The following HOGA1 variants were observed in gnomAD, a reference collection of about 807,000 sequenced individuals.
HOGA1 encodes 4-hydroxy-2-oxoglutarate aldolase 1, also known as 4-hydroxy-2-oxoglutarate aldolase, mitochondrial.
HOGA1 carries 30 observed loss-of-function variants against 34.3 expected under a neutral mutation model. The ratio of observed to expected loss-of-function variants is 0.87; its 90% CI spans 0.65 to 1.19. HOGA1 has a LOEUF of 1.19. Among genes scored for constraint, HOGA1 ranks in the 50% most tolerant of loss-of-function variants. The probability of loss-of-function intolerance (pLI) is 0.00; values close to 1 mark genes in which losing one functional copy is unlikely to be tolerated. For synonymous variants in HOGA1, 161 were observed against 174.0 expected (o/e 0.93, Z 0.59); for missense variants, 417 against 436.5 (o/e 0.96, Z 0.40).
chr10:97,610,838 A>C (rs949457263), intron 6 of HOGA1, among the ~76,000 whole-genome samples: 1 of 152,152 alleles, frequency 6.6e-6, no homozygotes, highest in African/African-American at 2.4e-5. Flanking sequence ...AAATTATAAC[A>C]ATAGCTTTAG....
At chr10:97,586,980 G>A (rs1174188051) in intron 1 of HOGA1, among the ~76,000 whole-genome samples, 1 of 152,196 alleles carries the variant, frequency 6.6e-6, no homozygotes, top group Non-Finnish European at 1.5e-5. Context: ...AGACCTTGGG[G>A]AAACCACTTA....
chr10:97,602,627 C>A, intron 6 of HOGA1: 2 of 947,564 alleles, frequency 2.1e-6, no homozygotes, highest in Non-Finnish European at 2.5e-6. Context: ...TTCCTTTGTT[C>A]CTTCCTTCCT....
intron 6 of HOGA1, among the ~76,000 whole-genome samples, chr10:97,605,616 G>T (rs2041151442): frequency 6.6e-6 from 1 of 152,170 alleles, no homozygotes; most frequent in Non-Finnish European, 1.5e-5. Context: ...TCTGATAGAT[G>T]TATAGTACAG....
chr10:97,592,399 C>A (rs892038657), intron 1 of HOGA1, among the ~76,000 whole-genome samples: 1 of 151,844 alleles, frequency 6.6e-6, no homozygotes, highest in South Asian at 2.1e-4. Context: ...CGCCACCACG[C>A]CTGGCTAATT....
In HOGA1 at chr10:97,600,239, C is replaced by T. The variant is rs534699077; in HGVS notation, c.700+76C>T. 1,175 of 1,252,170 alleles carry T rather than the reference C, an allele frequency of 9.4e-4. 1 individual carries two copies. The highest frequency in any genetic ancestry group is 6.3e-3 in the African/African-American group (428 of 67,914). The allele number at this position is 1,252,170 out of a possible 1,614,324, so 77.6% of individuals were successfully genotyped here. On this transcript the variant is annotated intron_variant, in intron 5 of 6. Coordinates refer to ENST00000370646, the MANE Select transcript of HOGA1 (RefSeq NM_138413.4). The stretch of plus-strand genomic sequence containing the variant: ...GGTACCTGGGTCTTCCGGGAGAGAT[C>T]GTGAGGGCTGGGGCTGGGTCTGCAG...
intron 6 of HOGA1, among the ~76,000 whole-genome samples, chr10:97,610,193 C>T (rs890952658): frequency 3.9e-5 from 6 of 152,314 alleles, no homozygotes; most frequent in South Asian, 2.1e-4. Flanking sequence ...ATAGGCCAGG[C>T]GCCGTGGCTC....
chr10:97,584,912 G>C lies in HOGA1; in HGVS notation c.209G>C (p.Arg70Pro), dbSNP rs267606763. 3.1e-6 allele frequency: 5 copies of C among 1,613,702 alleles called. No individual in the cohort carries two copies. Among genetic ancestry groups the C allele is most frequent in the Non-Finnish European group, 3.4e-6 (4 of 1,179,824 alleles). The change falls in exon 1 of 7, where the codon CGA becomes CCA. Residue 70 changes from arginine to proline, a missense_variant and splice_region_variant. Transcript: ENST00000370646. ...CACAAACTGGGCACCTTCCCCTTCC[G>C]AGGTAAGTGGGGCTGTCCTCTGTGG... The part of the protein sequence containing the change: ...NLHKLGTFPF[R>P]GFVVQGSNGE...
rs2041161023 is a variant in HOGA1 at position 97,606,750 on chromosome 10, A to G, written c.834+4760A>G. Reference sequence around the variant, plus strand: ...TCTAATTTCTTTAACTTTCCATATAAATTTTACAAGAATCTTGTTTATATC... The same window carrying G: ...TCTAATTTCTTTAACTTTCCATATAGATTTTACAAGAATCTTGTTTATATC... On this transcript the variant is annotated intron_variant, in intron 6 of 6. Transcript: ENST00000370646. 2.0e-5 allele frequency among the ~76,000 whole-genome samples: 3 copies of G among 152,058 alleles called. No homozygotes were observed. In the South Asian group the frequency reaches 6.2e-4, roughly 32 times the overall value.
At chr10:97,599,057 G>T (rs1232824176) in intron 2 of HOGA1, 32 bp from the exon 3 acceptor site, 3 of 1,610,444 alleles carry the variant, frequency 1.9e-6, no homozygotes, top group Non-Finnish European at 2.5e-6. Flanking sequence ...GCCTCCTTCT[G>T]CCTGCTCTCA....
chr10:97,588,047 A>T (rs1263153161), intron 1 of HOGA1, among the ~76,000 whole-genome samples: 1 of 149,566 alleles, frequency 6.7e-6, no homozygotes, highest in Non-Finnish European at 1.5e-5. Context: ...CCTGAGCTCA[A>T]GTGATCTGCC....
At chr10:97,599,353 C>A in intron 3 of HOGA1, 137 bp downstream of exon 3, 2 of 1,034,586 alleles carry the variant, frequency 1.9e-6, no homozygotes, top group South Asian at 1.5e-5. Context: ...AGCTGCACGA[C>A]ATTGGGAGGC....
chr10:97,601,720 A>G, intron 5 of HOGA1, 137 bp from the exon 6 acceptor site: 1 of 963,664 alleles, frequency 1.0e-6, no homozygotes, highest in African/African-American at 1.6e-5. Context: ...CTCACAGAGC[A>G]TGCCTTTGAT....
intron 1 of HOGA1, among the ~76,000 whole-genome samples, chr10:97,592,721 T>C (rs568092481): frequency 6.6e-6 from 1 of 152,176 alleles, no homozygotes; most frequent in Admixed American, 6.5e-5. Context: ...TTGGTAAGAA[T>C]ATTTTTATTA....
Position 97,599,200 on chromosome 10 carries a change from T to C in HOGA1, c.452T>C (p.Ile151Thr). The change falls in exon 3 of 7, where the codon ATT becomes ACT. Residue 151 changes from isoleucine to threonine, a missense_variant. Transcript: ENST00000370646. The part of the protein sequence containing the change: ...YRGRMSSAAL[I>T]HHYTKVADLS... ...GGCCGCATGAGCAGTGCGGCCCTCATTCACCACTACACCAAGGTGTGTGTG... is the reference window on the plus strand; with the variant it reads ...GGCCGCATGAGCAGTGCGGCCCTCACTCACCACTACACCAAGGTGTGTGTG... 2 of 1,613,922 alleles carry C rather than the reference T, an allele frequency of 1.2e-6. No individual in the cohort carries two copies. The highest frequency in any genetic ancestry group is 1.7e-6 in the Non-Finnish European group (2 of 1,180,028).
chr10:97,600,193 T>C (rs761816106), intron 5 of HOGA1, 30 bp downstream of exon 5: 2 of 1,579,052 alleles, frequency 1.3e-6, no homozygotes, highest in East Asian at 2.2e-5. Context: ...CAAATTGTCA[T>C]GGGTGACCAA....
chr10:97,594,697 G>T (rs2041055586), intron 1 of HOGA1, among the ~76,000 whole-genome samples: 1 of 151,872 alleles, frequency 6.6e-6, no homozygotes, highest in Non-Finnish European at 1.5e-5. Flanking sequence ...CACCATGTTG[G>T]CCAGGCTGGT....
At chr10:97,600,228 C>A in intron 5 of HOGA1, 65 bp downstream of exon 5, 1 of 1,341,894 alleles carries the variant, frequency 7.5e-7, no homozygotes, top group Non-Finnish European at 1.1e-6. Flanking sequence ...CCTGGGTCTT[C>A]CGGGAGAGAT....
Position 97,598,800 on chromosome 10 carries a change from C to G in HOGA1, c.237C>G (p.Gly79=). The change falls in exon 2 of 7, where the codon GGC becomes GGG. Residue 79 remains glycine, a synonymous_variant. Transcript: ENST00000370646. ...FRGFVVQGSN[G]EFPFLTSSER... is the part of the protein sequence containing the mutation. ...GCTTCGTGGTCCAGGGCTCCAATGG[C>G]GAGTTTCCTTTCCTGACCAGCAGTG... 6.2e-7 allele frequency: 1 copy of G among 1,614,134 alleles called. No individual in the cohort carries two copies. Among genetic ancestry groups the G allele is most frequent in the Non-Finnish European group, 8.5e-7 (1 of 1,180,022 alleles).
At position 97,602,653 on chromosome 10, in the gene HOGA1, TTCTG is replaced by T. The variant is rs1187329426; in HGVS notation, c.834+667_834+670del. 1.5e-5 allele frequency: 13 copies of T among 858,104 alleles called. No homozygotes were observed. In the East Asian group the frequency reaches 8.5e-4, roughly 56 times the overall value. 53.2% of individuals were successfully genotyped at this position (858,104 alleles called of 1,614,324 possible). Reference sequence around the variant, plus strand: ...CTTCCTTCCTCCCTCCCTCCCTCCTTTCTGTCTTTCTTTCTCTTTCTCTCTTTCT... The same window carrying T: ...CTTCCTTCCTCCCTCCCTCCCTCCTTTCTTTCTTTCTCTTTCTCTCTTTCT... On this transcript the variant is annotated intron_variant, in intron 6 of 6. Transcript: ENST00000370646.
Sources: allele counts gnomAD v4.1 joint callset (sites outside exome capture counted in the v4.1 genomes callset), GRCh38; gene constraint gnomAD v4.1.1; transcripts MANE v1.5; gene names NCBI Gene and HGNC (gene_info 2026-07-23, HGNC 2026-07-21).